The following SDK1 variants were observed in gnomAD, a reference collection of about 807,000 sequenced individuals.
SDK1 encodes the protein protein sidekick-1.
SDK1 carries 157 observed loss-of-function variants against 245.5 expected under a neutral mutation model. The ratio of observed to expected loss-of-function variants is 0.64; its 90% CI spans 0.56 to 0.73. The LOEUF is 0.73. Ranked by LOEUF, SDK1 falls within the 30% of genes least tolerant of loss-of-function variation. The probability of loss-of-function intolerance (pLI) is 0.00; values close to 1 mark genes in which losing one functional copy is unlikely to be tolerated. For missense variants in SDK1, 3,583 were observed against 3,002.3 expected, an observed-to-expected ratio of 1.19 and a Z score of -4.52; for synonymous variants, 1,647 against 1,278.5, an observed-to-expected ratio of 1.29 and a Z score of -6.15.
At chr7:4,043,861 C>G (rs1788823418) in intron 17 of SDK1, among the ~76,000 whole-genome samples, 1 of 152,128 alleles carries the variant, frequency 6.6e-6, no homozygotes, top group Admixed American at 6.5e-5. Flanking sequence ...GAATGAGATG[C>G]CGTCCTCAAC....
At chr7:3,510,250 G>T (rs1457788327) in intron 1 of SDK1, among the ~76,000 whole-genome samples, 1 of 152,220 alleles carries the variant, frequency 6.6e-6, no homozygotes, top group Non-Finnish European at 1.5e-5. Context: ...GAGGAAGCCA[G>T]CCTGCCTCAA....
At chr7:3,849,635 A>G (rs560253646) in intron 5 of SDK1, among the ~76,000 whole-genome samples, 102 of 152,318 alleles carry the variant, frequency 6.7e-4, no homozygotes, top group African/African-American at 2.3e-3. Flanking sequence ...GTGAATTTCA[A>G]TTTAGAGCAG....
intron 1 of SDK1, among the ~76,000 whole-genome samples, chr7:3,574,408 G>A (rs950796714): frequency 5.9e-5 from 9 of 152,164 alleles, no homozygotes; most frequent in East Asian, 1.9e-4. Context: ...GAGCCACCGT[G>A]CCCGGCTCAC....
intron 32 of SDK1, among the ~76,000 whole-genome samples, chr7:4,163,601 C>T (rs545241987): frequency 1.3e-5 from 2 of 152,236 alleles, no homozygotes; most frequent in East Asian, 1.9e-4. Context: ...CTTTGCAGCA[C>T]GGAGGATGAG....
At chr7:3,461,896 CT>C (rs1360494583) in intron 1 of SDK1, among the ~76,000 whole-genome samples, 3 of 152,084 alleles carry the variant, frequency 2.0e-5, no homozygotes, top group Non-Finnish European at 4.4e-5. Context: ...TATCTTTTCC[CT>C]TTCTTGAATA....
chr7:3,929,336 C>A (rs1779893673), intron 5 of SDK1, among the ~76,000 whole-genome samples: 1 of 152,226 alleles, frequency 6.6e-6, no homozygotes, highest in Non-Finnish European at 1.5e-5. Flanking sequence ...CCAGCTTGAA[C>A]ACGATTGATC....
intron 22 of SDK1, among the ~76,000 whole-genome samples, chr7:4,106,221 C>T (rs1782893259): frequency 6.6e-6 from 1 of 152,212 alleles, no homozygotes; most frequent in Non-Finnish European, 1.5e-5. Context: ...CTAGCAATGG[C>T]TCCCTCCTCA....
At chr7:4,157,438 A>AAAGG (rs571866662) in intron 30 of SDK1, among the ~76,000 whole-genome samples, 60,412 of 99,410 alleles carry the variant, frequency 0.61, 14,913 homozygotes, top group East Asian at 0.78. Context: ...AGGCAAGAGA[A>AAAGG]AAGGAGGGAA....
At position 4,266,797 on chromosome 7, in the gene SDK1, G is replaced by A. The variant is rs922726686; in HGVS notation, c.*1413G>A. 103 of 985,490 alleles carry A rather than the reference G, an allele frequency of 1.0e-4. No homozygotes were observed. Among genetic ancestry groups the A allele is most frequent in the African/African-American group, 4.7e-4 (27 of 57,350 alleles). The allele number at this position is 985,490 out of a possible 1,614,324, so 61.0% of individuals were successfully genotyped here. A position where few individuals can be genotyped will look rare whatever the true frequency, so the allele number is the denominator to read the frequency against. ...TGGTGCCCACTGGCGTGTGTGCCCC[G>A]GGTCCCTGTAAGTGCCCCCTCACCA... On this transcript the variant is annotated 3_prime_UTR_variant, in exon 45 of 45. Transcript: ENST00000404826.
intron 31 of SDK1, among the ~76,000 whole-genome samples, chr7:4,158,818 T>C (rs1780933206): frequency 3.3e-5 from 5 of 152,238 alleles, no homozygotes; most frequent in Admixed American, 2.6e-4. Flanking sequence ...AATTGAATAA[T>C]TGATAGGGTC....
intron 1 of SDK1, among the ~76,000 whole-genome samples, chr7:3,340,635 C>T (rs149258229): frequency 2.2e-4 from 33 of 151,878 alleles, no homozygotes; most frequent in Admixed American, 1.8e-3. Flanking sequence ...TGGTGGCAGG[C>T]GCCTGTAGTC....
At chr7:3,406,511 C>G (rs966758188) in intron 1 of SDK1, among the ~76,000 whole-genome samples, 2 of 152,284 alleles carry the variant, frequency 1.3e-5, no homozygotes, top group Middle Eastern at 6.8e-3. Context: ...AATCTTCTCT[C>G]TCTCTCCAAC....
At chr7:3,538,389 C>G (rs1778955990) in intron 1 of SDK1, among the ~76,000 whole-genome samples, 1 of 151,962 alleles carries the variant, frequency 6.6e-6, no homozygotes, top group Admixed American at 6.6e-5. Flanking sequence ...AAAATCAGTT[C>G]AGGTATAAAT....
chr7:3,987,146 G>A (rs372184907), intron 13 of SDK1, 40 bp from the exon 14 acceptor site: 4 of 1,610,586 alleles, frequency 2.5e-6, no homozygotes, highest in Non-Finnish European at 3.4e-6. Context: ...ATTCTGACAT[G>A]TGTTTTCCTC....
chr7:3,730,247 C>T (rs1025391882), intron 4 of SDK1, among the ~76,000 whole-genome samples: 4 of 152,072 alleles, frequency 2.6e-5, no homozygotes, highest in Non-Finnish European at 1.5e-5. Flanking sequence ...CATACAGTGC[C>T]CACTTATTAA....
At chr7:3,795,492 G>A (rs920664834) in intron 4 of SDK1, among the ~76,000 whole-genome samples, 8 of 152,120 alleles carry the variant, frequency 5.3e-5, no homozygotes, top group African/African-American at 1.9e-4. Flanking sequence ...GCTCTGAAAG[G>A]AATCTTAGTG....
chr7:3,881,541 G>T (rs573887349), intron 5 of SDK1, among the ~76,000 whole-genome samples: 1 of 152,060 alleles, frequency 6.6e-6, no homozygotes, highest in Non-Finnish European at 1.5e-5. Context: ...CTTTGCTATT[G>T]TGACTAGTGC....
At chr7:3,333,348 AGT>A (rs1780117827) in intron 1 of SDK1, among the ~76,000 whole-genome samples, 1 of 152,098 alleles carries the variant, frequency 6.6e-6, no homozygotes, top group African/African-American at 2.4e-5. Flanking sequence ...GTATGAAAGG[AGT>A]GTGCCATTTT....
chr7:4,079,236 C>T (rs141986837), intron 21 of SDK1, among the ~76,000 whole-genome samples: 104 of 152,320 alleles, frequency 6.8e-4, no homozygotes, highest in African/African-American at 2.4e-3. Flanking sequence ...ATGTTAGCGA[C>T]GTGTCTCCCA....
Sources: allele counts gnomAD v4.1 joint callset (sites outside exome capture counted in the v4.1 genomes callset), GRCh38; gene constraint gnomAD v4.1.1; transcripts MANE v1.5; gene names NCBI Gene and HGNC (gene_info 2026-07-23, HGNC 2026-07-21).